BMP2: variants seen among roughly 807,000 people sequenced by gnomAD.
BMP2 encodes the protein bone morphogenetic protein 2, also known as bone morphogenetic protein 2A.
In BMP2, 2 loss-of-function variants were observed where a neutral mutation model predicts 28.8. The ratio of observed to expected loss-of-function variants is 0.07; its 90% CI spans 0.03 to 0.22. The LOEUF is 0.22. Among genes scored for constraint, BMP2 ranks in the 10% least tolerant of loss-of-function variants. BMP2 has a pLI of 1.00. For missense variants in BMP2, 437 were observed against 517.7 expected (o/e 0.84, Z 1.51); for synonymous variants, 218 against 204.3 (o/e 1.07, Z -0.57).
rs528344708 is a variant in BMP2 at position 6,775,787 on chromosome 20, A to T, written c.347-2458A>T. The stretch of plus-strand genomic sequence containing the variant: ...GTCCCTTCACTGTCATCGTCTGGCC[A>T]TGTGGGTGTGTACGTGTGTGCGAGA... On this transcript the variant is annotated intron_variant, in intron 2 of 2. Coordinates refer to ENST00000378827, the MANE Select transcript of BMP2 (RefSeq NM_001200.4). Among the ~76,000 whole-genome samples, 13 of 152,182 alleles carry T rather than the reference A, an allele frequency of 8.5e-5. No individual in the cohort carries two copies. In the East Asian group the frequency reaches 1.9e-3, roughly 23 times the overall value.
rs761000959 is a variant in BMP2, at chr20:6,770,225, CGCG to C, written c.106_108del (p.Ala36del). On this transcript the variant is annotated inframe_deletion, in exon 2 of 3. Coordinates refer to ENST00000378827, the MANE Select transcript of BMP2 (RefSeq NM_001200.4). ...TTCCGGAGCTGGGCCGCAGGAAGTT[CGCG>C]GCGGCGTCGTCGGGCCGCCCCTCAT... 1.2e-6 allele frequency: 2 copies of C among 1,600,144 alleles called. No individual in the cohort carries two copies. Among genetic ancestry groups the C allele is most frequent in the East Asian group, 2.3e-5 (1 of 43,712 alleles).
In BMP2 at chr20:6,770,140, C is replaced by G. The variant is rs527356831; in HGVS notation, c.14C>G (p.Thr5Ser). 3.9e-6 allele frequency: 6 copies of G among 1,551,284 alleles called. No individual in the cohort carries two copies. The South Asian group carries it at 5.9e-5, about 15-fold the overall frequency. The change falls in exon 2 of 3, where the codon ACC (threonine) becomes AGC (serine). Residue 5 changes from threonine to serine, a missense_variant. Physicochemically the swap from Thr to Ser is moderately conservative, Grantham distance 58. Around this residue, in one of 2 missense-constraint regions of BMP2, gnomAD observed 363 missense variants for 392.8 expected, o/e 0.92. Coordinates refer to ENST00000378827, the MANE Select transcript of BMP2 (RefSeq NM_001200.4). ...CGCAGGTCGACCATGGTGGCCGGGA[C>G]CCGCTGTCTTCTAGCGTTGCTGCTT... MVAGTRCLLALLLPQ... is the reference protein window; with the variant it reads MVAGSRCLLALLLPQ...
chr20:6,773,548 T>G (rs1986440488), intron 2 of BMP2, among the ~76,000 whole-genome samples: 1 of 152,200 alleles, frequency 6.6e-6, no homozygotes, highest in Admixed American at 6.5e-5. Flanking sequence ...GTTCTTAGAC[T>G]TGCTCTTTGT....
At position 6,779,817 on chromosome 20, in the gene BMP2, AG is replaced by A. The variant is rs1986588795; in HGVS notation, c.*730del. The A allele has an allele frequency of 1.3e-5, 2 of 152,426 alleles. No homozygotes were observed. Among genetic ancestry groups the A allele is most frequent in the Non-Finnish European group, 2.9e-5 (2 of 68,038 alleles). The allele number at this position is 152,426 out of a possible 1,614,324, so 9.4% of individuals were successfully genotyped here. A position where few individuals can be genotyped will look rare whatever the true frequency, so the allele number is the denominator to read the frequency against. On this transcript the variant is annotated 3_prime_UTR_variant, in exon 3 of 3. Transcript: ENST00000378827. ...CCTTAATTTACAGAAAGAATAAAGC[AG>A]GATCCATAGAAATAATTAGGAAAAC...
rs549836166 is a variant in BMP2, at chr20:6,779,417, CT to C, written c.*333del. 1 of 152,572 alleles carries C rather than the reference CT, an allele frequency of 6.6e-6. No homozygotes were observed. The highest frequency in any genetic ancestry group is 1.5e-5 in the Non-Finnish European group (1 of 68,108). The allele number at this position is 152,572 out of a possible 1,614,324, so 9.5% of individuals were successfully genotyped here. A position where few individuals can be genotyped will look rare whatever the true frequency, so the allele number is the denominator to read the frequency against. On this transcript the variant is annotated 3_prime_UTR_variant, in exon 3 of 3. Coordinates refer to ENST00000378827, the MANE Select transcript of BMP2 (RefSeq NM_001200.4). ...TTGTATTTATTTACTATTATAACCA[CT>C]TTTTAGGAAAAAAATAGCTAATTTG...
chr20:6,770,376 C>A lies in BMP2; in HGVS notation c.250C>A (p.Arg84Ser). 6.2e-7 allele frequency: 1 copy of A among 1,613,296 alleles called. No homozygotes were observed. The highest frequency in any genetic ancestry group is 1.7e-4 in the Middle Eastern group (1 of 6,060). The part of the protein sequence containing the change: ...VVPPYMLDLY[R>S]RHSGQPGSPA... ...GCCCCCCTACATGCTAGACCTGTATCGCAGGCACTCAGGTCAGCCGGGCTC... is the reference window on the plus strand; with the variant it reads ...GCCCCCCTACATGCTAGACCTGTATAGCAGGCACTCAGGTCAGCCGGGCTC... The change falls in exon 2 of 3, where the codon CGC (arginine) becomes AGC (serine). Residue 84 changes from arginine (R) to serine (S), a missense_variant. By Grantham distance (110) the Arg-to-Ser change is moderately radical. Transcript: ENST00000378827.
intron 2 of BMP2, 55 bp downstream of exon 2, chr20:6,770,527 C>A (rs1986377344): frequency 2.7e-6 from 4 of 1,493,568 alleles, no homozygotes; most frequent in Non-Finnish European, 3.6e-6. Flanking sequence ...AGCCCTCCAC[C>A]GTGGGCAGAC....
Position 6,768,059 on chromosome 20 carries a change from G to A in BMP2, c.-824G>A. Reference sequence around the variant, plus strand: ...ACCTACTGCAGGAGATCGGGGGCCTGGGACGCGCTGGCCGAGGTGTGATCG... The same window carrying A: ...ACCTACTGCAGGAGATCGGGGGCCTAGGACGCGCTGGCCGAGGTGTGATCG... On this transcript the variant is annotated 5_prime_UTR_variant, in exon 1 of 3. It introduces an in-frame stop codon into an upstream open reading frame of the 5' UTR. Coordinates refer to ENST00000378827, the MANE Select transcript of BMP2 (RefSeq NM_001200.4). 2.5e-6 allele frequency: 1 copy of A among 398,292 alleles called. No homozygotes were observed. The allele number at this position is 398,292 out of a possible 1,614,324, so 24.7% of individuals were successfully genotyped here.
At position 6,778,620 on chromosome 20, in the gene BMP2, A is replaced by C. The variant is rs1450842847; in HGVS notation, c.722A>C (p.Lys241Thr). 1 of 1,614,122 alleles carries C rather than the reference A, an allele frequency of 6.2e-7. No individual in the cohort carries two copies. Among genetic ancestry groups the C allele is most frequent in the Admixed American group, 1.7e-5 (1 of 60,026 alleles). The change falls in exon 3 of 3, where the codon AAG becomes ACG. Residue 241 changes from lysine to threonine, a missense_variant. Coordinates refer to ENST00000378827, the MANE Select transcript of BMP2 (RefSeq NM_001200.4). This position sits in a 1 kb window ranked among gnomAD's most constrained non-coding sequence, Gnocchi z 5.0. ...TTGGAGGAGAAACAAGGTGTCTCCA[A>C]GAGACATGTTAGGATAAGCAGGTCT... The part of the protein sequence containing the change: ...AHLEEKQGVS[K>T]RHVRISRSLH...
chr20:6,770,209 T>G lies in BMP2; in HGVS notation c.83T>G (p.Leu28Arg). ...LGGAAGLVPELGRRKFAAASS... is the reference protein window; with the variant it reads ...LGGAAGLVPERGRRKFAAASS... ...GGCGCGGCTGGCCTCGTTCCGGAGC[T>G]GGGCCGCAGGAAGTTCGCGGCGGCG... The change falls in exon 2 of 3, where the codon CTG becomes CGG. Residue 28 changes from leucine to arginine, a missense_variant. This residue lies in a region of BMP2 where 363 missense variants were observed against 392.8 expected (regional missense o/e 0.92). Transcript: ENST00000378827. 1 of 1,594,378 alleles carries G rather than the reference T, an allele frequency of 6.3e-7. No homozygotes were observed. Among genetic ancestry groups the G allele is most frequent in the South Asian group, 1.1e-5 (1 of 88,576 alleles).
chr20:6,773,767 T>G (rs968302022), intron 2 of BMP2, among the ~76,000 whole-genome samples: 1 of 152,286 alleles, frequency 6.6e-6, no homozygotes, highest in East Asian at 1.9e-4. Context: ...GTCTGTTATT[T>G]TATTATCTGG....
chr20:6,770,103 G>C lies in BMP2; in HGVS notation c.-7-17G>C, dbSNP rs1479252673. On this transcript the variant is annotated splice_polypyrimidine_tract_variant and intron_variant, in intron 1 of 2. Coordinates refer to ENST00000378827, the MANE Select transcript of BMP2 (RefSeq NM_001200.4). ...TGGGCGGGGAACTCGGGTGACTCAC[G>C]TCGGTCCTGTCCGCAGGTCGACCAT... 1.3e-6 allele frequency: 2 copies of C among 1,520,168 alleles called. No individual in the cohort carries two copies. Among genetic ancestry groups the C allele is most frequent in the Non-Finnish European group, 1.8e-6 (2 of 1,133,342 alleles). 94.2% of individuals were successfully genotyped at this position (1,520,168 alleles called of 1,614,324 possible).
rs980611565 is a variant in BMP2, at chr20:6,768,312, C to T, written c.-571C>T. On this transcript the variant is annotated 5_prime_UTR_variant, in exon 1 of 3. Transcript: ENST00000378827. ...GGCAACTCGCCTGGCACCGAGATCG[C>T]CGCCGTGCCCTTCCCTGGACCCGGC... The T allele has an allele frequency of 1.8e-5, 7 of 398,080 alleles. No homozygotes were observed. In the East Asian group the frequency reaches 2.5e-4, roughly 14 times the overall value. 24.7% of individuals were successfully genotyped at this position (398,080 alleles called of 1,614,324 possible). A position where few individuals can be genotyped will look rare whatever the true frequency, so the allele number is the denominator to read the frequency against.
intron 2 of BMP2, among the ~76,000 whole-genome samples, chr20:6,771,215 A>G (rs1986392165): frequency 1.3e-5 from 2 of 151,390 alleles, no homozygotes; most frequent in African/African-American, 4.9e-5. Context: ...ATGATACTAC[A>G]TGTGGTTTTT....
chr20:6,770,310 G>A lies in BMP2; in HGVS notation c.184G>A (p.Gly62Ser). The stretch of plus-strand genomic sequence containing the variant: ...CGAGTTGCGGCTGCTCAGCATGTTC[G>A]GCCTGAAACAGAGACCCACCCCCAG... ...EFELRLLSMF[G>S]LKQRPTPSRD... is the part of the protein sequence containing the mutation. Residue 62 changes from glycine (G) to serine (S), a missense_variant, in exon 2 of 3, where the codon GGC becomes AGC. Transcript: ENST00000378827. 1 of 1,613,470 alleles carries A rather than the reference G, an allele frequency of 6.2e-7. No individual in the cohort carries two copies.
intron 1 of BMP2, 66 bp downstream of exon 1, chr20:6,768,941 G>T (rs1743191900): frequency 5.0e-6 from 2 of 398,408 alleles, no homozygotes; most frequent in South Asian, 1.3e-4. Flanking sequence ...CAGCCACTGC[G>T]GTAGAGCCCT....
At chr20:6,769,612 G>GGTGTGTGTGTGTGTGTGGGT (rs1555785655) in intron 1 of BMP2, among the ~76,000 whole-genome samples, 3 of 139,996 alleles carry the variant, frequency 2.1e-5, no homozygotes, top group South Asian at 4.7e-4. Context: ...AAGCTATAAG[G>GGTGTGTGTGTGTGTGTGGGT]GTGTGTGTGT....
chr20:6,772,695 T>C (rs1361952726), intron 2 of BMP2, among the ~76,000 whole-genome samples: 2 of 152,226 alleles, frequency 1.3e-5, no homozygotes, highest in African/African-American at 4.8e-5. Flanking sequence ...TGTGATCGAA[T>C]GGTTTGGTGG....
rs373345005 is a variant in BMP2, at chr20:6,770,397, G to T, written c.271G>T (p.Gly91Cys). The T allele has an allele frequency of 2.1e-5, 34 of 1,612,404 alleles. No individual in the cohort carries two copies. The African/African-American group carries it at 4.4e-4, about 21-fold the overall frequency. Residue 91 changes from glycine (G) to cysteine (C), a missense_variant, in exon 2 of 3, where the codon GGC becomes TGC. Physicochemically the swap from Gly to Cys is radical, Grantham distance 159. This residue lies in a region of BMP2 where 363 missense variants were observed against 392.8 expected (regional missense o/e 0.92). Coordinates refer to ENST00000378827, the MANE Select transcript of BMP2 (RefSeq NM_001200.4). ...GTATCGCAGGCACTCAGGTCAGCCGGGCTCACCCGCCCCAGACCACCGGTT... is the reference window on the plus strand; with the variant it reads ...GTATCGCAGGCACTCAGGTCAGCCGTGCTCACCCGCCCCAGACCACCGGTT... Reference protein sequence around the residue: ...DLYRRHSGQPGSPAPDHRLER... With the variant: ...DLYRRHSGQPCSPAPDHRLER...
Sources: gnomAD v4.1 joint callset for allele counts (sites outside exome capture counted in the v4.1 genomes callset) on GRCh38, gnomAD v4.1.1 for gene constraint, gnomAD v4.1.1 regional missense constraint, Gnocchi (gnomAD v3.1) non-coding constraint, MANE v1.5 for transcripts, NCBI Gene and HGNC (gene_info 2026-07-23, HGNC 2026-07-21) for gene names.